The following STXBP3 variants were observed in gnomAD, a reference collection of about 807,000 sequenced individuals.
STXBP3 encodes the protein syntaxin-binding protein 3.
STXBP3 carries 41 observed loss-of-function variants against 85.7 expected under a neutral mutation model. The observed-to-expected ratio is 0.48, with a 90% confidence interval of 0.37 to 0.62. The LOEUF is 0.62. Ranked by LOEUF, STXBP3 falls within the 20% of genes least tolerant of loss-of-function variation. The pLI is 0.00. For missense variants in STXBP3, 563 were observed against 703.1 expected, an observed-to-expected ratio of 0.80 and a Z score of 2.25; for synonymous variants, 229 against 231.7, an observed-to-expected ratio of 0.99 and a Z score of 0.10.
At chr1:108,807,021 A>G (rs950058817) in intron 17 of STXBP3, among the ~76,000 whole-genome samples, 2 of 152,190 alleles carry the variant, frequency 1.3e-5, no homozygotes, top group African/African-American at 4.8e-5. Context: ...TGGGAGGCCA[A>G]GGTAGGCAGA....
At chr1:108,797,746 T>C (rs909593397) in intron 15 of STXBP3, among the ~76,000 whole-genome samples, 1 of 151,572 alleles carries the variant, frequency 6.6e-6, no homozygotes, top group Non-Finnish European at 1.5e-5. Flanking sequence ...TGTGTGTGTT[T>C]TTTTTTTGAG....
chr1:108,746,711 T>C lies in STXBP3; in HGVS notation c.-27T>C. On this transcript the variant is annotated 5_prime_UTR_variant, in exon 1 of 19. Transcript: ENST00000370008. The stretch of plus-strand genomic sequence containing the variant: ...AAAGTAGGTTGGGAGTGGAAGGTGG[T>C]GGCTGCTGCTCCGCAGTGTCGGGAA... 2 of 1,547,674 alleles carry C rather than the reference T, an allele frequency of 1.3e-6. No individual in the cohort carries two copies. The highest frequency in any genetic ancestry group is 8.7e-7 in the Non-Finnish European group (1 of 1,145,244).
At chr1:108,752,168 T>C (rs1661918839) in intron 1 of STXBP3, 89 bp from the exon 2 acceptor site, 1 of 1,214,322 alleles carries the variant, frequency 8.2e-7, no homozygotes, top group South Asian at 1.4e-5. Flanking sequence ...AAATTTCAAA[T>C]TGGATTTTTC....
intron 8 of STXBP3, among the ~76,000 whole-genome samples, chr1:108,777,456 T>C (rs945589499): frequency 2.6e-5 from 4 of 152,020 alleles, no homozygotes; most frequent in African/African-American, 7.2e-5. Flanking sequence ...TAAACTTAGA[T>C]GTTAGGTTAG....
chr1:108,762,065 A>G (rs1298269738), intron 6 of STXBP3, among the ~76,000 whole-genome samples: 5 of 152,226 alleles, frequency 3.3e-5, no homozygotes, highest in African/African-American at 1.2e-4. Flanking sequence ...GCAAGTGAAA[A>G]TGTAAATGAA....
chr1:108,800,874 CTTTG>C (rs1466085741), intron 17 of STXBP3, among the ~76,000 whole-genome samples: 1 of 152,130 alleles, frequency 6.6e-6, no homozygotes, highest in Non-Finnish European at 1.5e-5. Flanking sequence ...GTATAGTTCT[CTTTG>C]TGTTTATTCT....
At position 108,772,702 on chromosome 1, in the gene STXBP3, G is replaced by A; in HGVS notation, c.476G>A (p.Cys159Tyr). 1.3e-6 allele frequency: 2 copies of A among 1,585,318 alleles called. No individual in the cohort carries two copies. The highest frequency in any genetic ancestry group is 1.7e-6 in the Non-Finnish European group (2 of 1,164,410). Residue 159 changes from cysteine (C) to tyrosine (Y), a missense_variant, in exon 7 of 19, where the codon TGT becomes TAT. By Grantham distance (194) the Cys-to-Tyr change is radical (BLOSUM62 -2). Coordinates refer to ENST00000370008, the MANE Select transcript of STXBP3 (RefSeq NM_007269.4). The stretch of plus-strand genomic sequence containing the variant: ...GATGTACCAGATGCATTCTATTACT[G>A]TTATAGTCCAGACCCTGGTAATGCA... ...TLDVPDAFYY[C>Y]YSPDPGNAKG...
chr1:108,761,171 G>T (rs759722239), intron 6 of STXBP3, among the ~76,000 whole-genome samples: 5 of 152,138 alleles, frequency 3.3e-5, no homozygotes, highest in Non-Finnish European at 5.9e-5. Flanking sequence ...CTTCCCAAGT[G>T]CTGGGATTAC....
intron 1 of STXBP3, among the ~76,000 whole-genome samples, chr1:108,751,469 GAAA>G: frequency 6.6e-6 from 1 of 152,138 alleles, no homozygotes; most frequent in African/African-American, 2.4e-5. Flanking sequence ...TTAGGAAATA[GAAA>G]AGCTTAAGTT....
At chr1:108,778,862 T>A (rs1767024) in intron 8 of STXBP3, among the ~76,000 whole-genome samples, 107,175 of 152,054 alleles carry the variant, frequency 0.7, 38,776 homozygotes, top group Non-Finnish European at 0.77. Flanking sequence ...CATACTCAAG[T>A]CCTGCATCAG....
In STXBP3 at chr1:108,782,406, T is replaced by C. The variant is rs1277051; in HGVS notation, c.810-16T>C. ...GAAAAAAATCAAAAAGTTTTAGTGC[T>C]TCTGTCTACTTGTAGATATAAAACA... On this transcript the variant is annotated splice_polypyrimidine_tract_variant and intron_variant, in intron 9 of 18. Transcript: ENST00000370008. The C allele has an allele frequency of 0.25, 385,082 of 1,570,848 alleles. 49,866 individuals carry two copies. Among genetic ancestry groups the C allele is most frequent in the Non-Finnish European group, 0.26 (304,113 of 1,154,472 alleles).
chr1:108,762,826 C>T (rs565828234), intron 6 of STXBP3, among the ~76,000 whole-genome samples: 2 of 152,276 alleles, frequency 1.3e-5, no homozygotes, highest in East Asian at 3.9e-4. Flanking sequence ...AAGGACAAGA[C>T]CTCAGCATCA....
intron 6 of STXBP3, among the ~76,000 whole-genome samples, chr1:108,772,177 T>C (rs1367837849): frequency 1.6e-5 from 2 of 127,732 alleles, no homozygotes; most frequent in Admixed American, 1.6e-4. Flanking sequence ...ATGATATCTA[T>C]CTATATATCA....
Position 108,746,675 on chromosome 1 carries a change from C to T in STXBP3, c.-63C>T. ...AAGGGGCGGGGCCACCCCAACGCCG[C>T]TTCTGCGGCCAAAGTAGGTTGGGAG... On this transcript the variant is annotated 5_prime_UTR_variant, in exon 1 of 19. Transcript: ENST00000370008. The T allele has an allele frequency of 1.9e-6, 3 of 1,543,676 alleles. No homozygotes were observed. Among genetic ancestry groups the T allele is most frequent in the South Asian group, 2.4e-5 (2 of 83,892 alleles).
At chr1:108,799,393 T>G (rs1245609574) in intron 16 of STXBP3, among the ~76,000 whole-genome samples, 1 of 152,204 alleles carries the variant, frequency 6.6e-6, no homozygotes, top group African/African-American at 2.4e-5. Flanking sequence ...GGCTAGTATT[T>G]GTAAAATAAG....
chr1:108,785,985 T>A (rs1662817367), intron 11 of STXBP3, among the ~76,000 whole-genome samples: 1 of 152,216 alleles, frequency 6.6e-6, no homozygotes, highest in African/African-American at 2.4e-5. Context: ...TCCTGTCTTC[T>A]TCTGAGCCCT....
chr1:108,768,047 G>T (rs569654196), intron 6 of STXBP3, among the ~76,000 whole-genome samples: 5 of 152,306 alleles, frequency 3.3e-5, no homozygotes, highest in Admixed American at 2.6e-4. Flanking sequence ...TCTTCACAAA[G>T]AACTGAAGTG....
chr1:108,773,761 G>A lies in STXBP3; in HGVS notation c.593+942G>A, dbSNP rs145588827. Among the ~76,000 whole-genome samples, 165 of 152,198 alleles carry A rather than the reference G, an allele frequency of 1.1e-3. 1 individual carries two copies. Among genetic ancestry groups the A allele is most frequent in the South Asian group, 4.3e-3 (21 of 4,830 alleles). ...CTTTGGGATGTGGGAGGAAACCAGA[G>A]TACCAGGAGAAAACCCATGCAGACG... On this transcript the variant is annotated intron_variant, in intron 7 of 18. Transcript: ENST00000370008.
intron 3 of STXBP3, among the ~76,000 whole-genome samples, chr1:108,756,396 T>C (rs1448780998): frequency 6.6e-6 from 1 of 152,134 alleles, no homozygotes; most frequent in Admixed American, 6.5e-5. Context: ...AAGGTTATTA[T>C]GAATTTTAAT....
Sources: gnomAD v4.1 joint callset for allele counts (sites outside exome capture counted in the v4.1 genomes callset) on GRCh38, gnomAD v4.1.1 for gene constraint, MANE v1.5 for transcripts, NCBI Gene and HGNC (gene_info 2026-07-23, HGNC 2026-07-21) for gene names.